The following UNC5D variants were observed in gnomAD, a reference collection of about 807,000 sequenced individuals.
The protein encoded by UNC5D is unc-5 netrin receptor D, also known as netrin receptor UNC5D.
Under a neutral mutation model 105.4 loss-of-function variants are expected in UNC5D, and 39 were observed. The observed-to-expected ratio is 0.37, with a 90% CI of 0.29 to 0.48. The LOEUF (loss-of-function observed/expected upper bound fraction) is 0.48, where lower values mean the gene tolerates loss of function less well. Ranked by LOEUF, UNC5D falls within the 20% of genes least tolerant of loss-of-function variation. The pLI is 0.98. For missense variants in UNC5D, 991 were observed against 1,202.4 expected (o/e 0.82, Z 2.60); for synonymous variants, 452 against 450.4 (o/e 1.00, Z -0.04).
chr8:35,382,114 T>C (rs1212077865), intron 1 of UNC5D, among the ~76,000 whole-genome samples: 1 of 152,206 alleles, frequency 6.6e-6, no homozygotes, highest in Non-Finnish European at 1.5e-5. Flanking sequence ...AAGTAACAAG[T>C]GCCTGAAAAT....
At chr8:35,348,980 A>T (rs1348999814) in intron 1 of UNC5D, among the ~76,000 whole-genome samples, 4 of 151,928 alleles carry the variant, frequency 2.6e-5, no homozygotes, top group Admixed American at 6.6e-5. Context: ...ATCAAAAATA[A>T]CTTCTTAAAA....
intron 4 of UNC5D, among the ~76,000 whole-genome samples, chr8:35,650,711 A>AT (rs1382628433): frequency 1.3e-5 from 2 of 152,042 alleles, no homozygotes. Flanking sequence ...ACCTCAGGTG[A>AT]TCCGCCCACC....
intron 1 of UNC5D, among the ~76,000 whole-genome samples, chr8:35,365,281 A>G (rs1410342219): frequency 1.3e-5 from 2 of 152,044 alleles, no homozygotes; most frequent in South Asian, 4.1e-4. Flanking sequence ...GAGCAGATGC[A>G]TAGATTTTTT....
At chr8:35,695,490 A>G (rs1826698107) in intron 7 of UNC5D, among the ~76,000 whole-genome samples, 1 of 152,096 alleles carries the variant, frequency 6.6e-6, no homozygotes, top group Admixed American at 6.6e-5. Flanking sequence ...GTGCTTGTAA[A>G]TAGCCACTGC....
intron 1 of UNC5D, among the ~76,000 whole-genome samples, chr8:35,419,951 A>T (rs1805784810): frequency 6.6e-6 from 1 of 152,124 alleles, no homozygotes; most frequent in South Asian, 2.1e-4. Flanking sequence ...GAGAAAGCAG[A>T]TAGCCCCAGA....
chr8:35,405,016 A>G (rs1804712134), intron 1 of UNC5D, among the ~76,000 whole-genome samples: 1 of 152,232 alleles, frequency 6.6e-6, no homozygotes, highest in African/African-American at 2.4e-5. Context: ...TGAGTTTTAG[A>G]GCTACCTCAC....
intron 14 of UNC5D, among the ~76,000 whole-genome samples, chr8:35,765,506 A>ATTAT (rs1441422095): frequency 4.8e-4 from 73 of 152,304 alleles, no homozygotes; most frequent in African/African-American, 1.6e-3. Context: ...ATTTGATTTT[A>ATTAT]TTATTTCATA....
At chr8:35,339,024 C>T (rs1344176390) in intron 1 of UNC5D, among the ~76,000 whole-genome samples, 1 of 152,016 alleles carries the variant, frequency 6.6e-6, no homozygotes, top group Admixed American at 6.6e-5. Context: ...ACTTTTATGC[C>T]TAAAATGGCT....
chr8:35,667,187 T>C (rs1824479899), intron 4 of UNC5D, among the ~76,000 whole-genome samples: 1 of 152,152 alleles, frequency 6.6e-6, no homozygotes, highest in Non-Finnish European at 1.5e-5. Flanking sequence ...ATAATATAGA[T>C]TGCAGAAAAT....
At chr8:35,620,708 C>A (rs1821311874) in intron 4 of UNC5D, among the ~76,000 whole-genome samples, 1 of 152,112 alleles carries the variant, frequency 6.6e-6, no homozygotes, top group African/African-American at 2.4e-5. Flanking sequence ...AAAGTTAGTT[C>A]TAATTTACTT....
chr8:35,510,572 T>G (rs1385476777), intron 1 of UNC5D, among the ~76,000 whole-genome samples: 1 of 152,140 alleles, frequency 6.6e-6, no homozygotes, highest in Admixed American at 6.5e-5. Context: ...CCTCATGAGG[T>G]GGCCCTGAGA....
At chr8:35,527,100 T>C (rs1484383859) in intron 1 of UNC5D, among the ~76,000 whole-genome samples, 2 of 152,100 alleles carry the variant, frequency 1.3e-5, no homozygotes, top group Admixed American at 1.3e-4. Context: ...GTAAAAACTG[T>C]AGGCAGGCTT....
intron 7 of UNC5D, among the ~76,000 whole-genome samples, chr8:35,690,780 G>T (rs965209273): frequency 6.6e-6 from 1 of 152,216 alleles, no homozygotes; most frequent in Non-Finnish European, 1.5e-5. Context: ...CTCCAGTGAA[G>T]GCTGGCTTTG....
chr8:35,252,019 CTTTT>C (rs1177014089), intron 1 of UNC5D, among the ~76,000 whole-genome samples: 2 of 117,282 alleles, frequency 1.7e-5, no homozygotes, highest in Non-Finnish European at 1.8e-5. Context: ...ACCAATGGTT[CTTTT>C]TTTTTTTTTT....
At chr8:35,315,409 T>C (rs1191180787) in intron 1 of UNC5D, among the ~76,000 whole-genome samples, 28 of 152,148 alleles carry the variant, frequency 1.8e-4, no homozygotes, top group Non-Finnish European at 2.9e-5. Context: ...GCAATTGTTT[T>C]TCTTTTGGCT....
chr8:35,701,210 A>T (rs1307949518), intron 7 of UNC5D, among the ~76,000 whole-genome samples: 1 of 152,206 alleles, frequency 6.6e-6, no homozygotes, highest in African/African-American at 2.4e-5. Flanking sequence ...AAGCAACCCT[A>T]CTAACTGAAT....
Position 35,271,689 on chromosome 8 carries a change from A to C in UNC5D, c.103+35802A>C, listed in dbSNP as rs868595410. ...TACAGGTATACATATATATGTATAC[A>C]TGTATACATGTATACATATATATTT... On this transcript the variant is annotated intron_variant, in intron 1 of 16. Coordinates refer to ENST00000404895, the MANE Select transcript of UNC5D (RefSeq NM_080872.4). Among the ~76,000 whole-genome samples the C allele has an allele frequency of 1.9e-3, 17 of 8,902 alleles. 1 individual carries two copies. Among genetic ancestry groups the C allele is most frequent in the Admixed American group, 5.1e-3 (2 of 394 alleles). 5.8% of individuals were successfully genotyped at this position (8,902 alleles called of 152,430 possible).
At chr8:35,242,619 A>T (rs1186187024) in intron 1 of UNC5D, among the ~76,000 whole-genome samples, 1 of 152,110 alleles carries the variant, frequency 6.6e-6, no homozygotes, top group African/African-American at 2.4e-5. Flanking sequence ...CTGGGATTAC[A>T]GGCATGCACC....
intron 2 of UNC5D, among the ~76,000 whole-genome samples, chr8:35,555,393 A>G (rs1458624813): frequency 2.0e-5 from 3 of 152,208 alleles, no homozygotes; most frequent in Non-Finnish European, 4.4e-5. Context: ...ACTCTCATCC[A>G]TCCTTAGCAG....
Sources: gnomAD v4.1 joint callset for allele counts (sites outside exome capture counted in the v4.1 genomes callset) on GRCh38, gnomAD v4.1.1 for gene constraint, MANE v1.5 for transcripts, NCBI Gene and HGNC (gene_info 2026-07-23, HGNC 2026-07-21) for gene names.